KCNQ5: variants seen among roughly 807,000 people sequenced by gnomAD.
The protein encoded by KCNQ5 is potassium voltage-gated channel subfamily Q member 5.
Under a neutral mutation model 98.2 loss-of-function variants are expected in KCNQ5, and 30 were observed. That is an observed-to-expected ratio of 0.31 (90% CI 0.23 to 0.41). KCNQ5 has a LOEUF of 0.41. Ranked by LOEUF, KCNQ5 falls within the 10% of genes least tolerant of loss-of-function variation. The pLI is 1.00. For missense variants in KCNQ5, 835 were observed against 1,182.5 expected, an observed-to-expected ratio of 0.71 and a Z score of 4.31; for synonymous variants, 458 against 449.4, an observed-to-expected ratio of 1.02 and a Z score of -0.24.
chr6:72,897,010 A>G (rs920001540), intron 1 of KCNQ5, among the ~76,000 whole-genome samples: 6 of 151,840 alleles, frequency 4.0e-5, no homozygotes, highest in Admixed American at 2.0e-4. Context: ...CCATGTTCTC[A>G]TATTATAGTC....
chr6:72,699,473 C>T (rs901124236), intron 1 of KCNQ5, among the ~76,000 whole-genome samples: 1 of 152,110 alleles, frequency 6.6e-6, no homozygotes, highest in African/African-American at 2.4e-5. Context: ...CTCTCTTGAC[C>T]TCCAGAATGA....
At chr6:72,637,380 C>T (rs2098924810) in intron 1 of KCNQ5, among the ~76,000 whole-genome samples, 1 of 151,710 alleles carries the variant, frequency 6.6e-6, no homozygotes, top group Admixed American at 6.6e-5. Flanking sequence ...ACACAATATG[C>T]AGTGGACACT....
intron 1 of KCNQ5, among the ~76,000 whole-genome samples, chr6:72,836,788 G>T (rs984891910): frequency 4.6e-5 from 7 of 152,098 alleles, no homozygotes; most frequent in African/African-American, 1.7e-4. Flanking sequence ...GTAATTTATT[G>T]TTTCAATTTC....
chr6:72,796,219 T>A (rs1774328678), intron 1 of KCNQ5, among the ~76,000 whole-genome samples: 1 of 152,184 alleles, frequency 6.6e-6, no homozygotes, highest in Non-Finnish European at 1.5e-5. Flanking sequence ...TTAAATATAT[T>A]TTGAAGTAAT....
chr6:73,036,002 T>C (rs1422329270), intron 2 of KCNQ5, among the ~76,000 whole-genome samples: 2 of 149,812 alleles, frequency 1.3e-5, no homozygotes, highest in South Asian at 2.1e-4. Context: ...TGTGTGTGTG[T>C]GTGTGTGTGT....
At chr6:73,018,433 G>A (rs1312385258) in intron 2 of KCNQ5, among the ~76,000 whole-genome samples, 2 of 152,034 alleles carry the variant, frequency 1.3e-5, no homozygotes, top group East Asian at 3.9e-4. Context: ...GATAGAGGTC[G>A]AGCTGTGTCC....
chr6:72,901,501 A>G (rs1405426315), intron 1 of KCNQ5, among the ~76,000 whole-genome samples: 7 of 152,112 alleles, frequency 4.6e-5, no homozygotes. Flanking sequence ...TAAGTCCTTA[A>G]TCCATCTTGA....
intron 1 of KCNQ5, chr6:72,986,408 AAAG>A (rs1768779832): frequency 9.0e-6 from 4 of 446,890 alleles, no homozygotes; most frequent in Non-Finnish European, 1.6e-5. Context: ...CAGAGAAGAA[AAAG>A]AAGAAGAAAG....
At chr6:72,775,938 A>G (rs1330586475) in intron 1 of KCNQ5, among the ~76,000 whole-genome samples, 1 of 152,186 alleles carries the variant, frequency 6.6e-6, no homozygotes, top group East Asian at 1.9e-4. Context: ...AACAGAAAAA[A>G]TGATATGAGG....
In KCNQ5 at chr6:73,113,756, C is replaced by A. The variant is rs1189288773; in HGVS notation, c.1125+2353C>A. Among the ~76,000 whole-genome samples, 8 of 152,244 alleles carry A rather than the reference C, an allele frequency of 5.3e-5. No individual in the cohort carries two copies. The East Asian group carries it at 1.5e-3, about 29-fold the overall frequency. On this transcript the variant is annotated intron_variant, in intron 7 of 13. Transcript: ENST00000370398. ...TGTCTACAGTCAAAATGAGGCAAGG[C>A]CTCCCTCACAGGTAACCCTGTGGAG...
chr6:73,109,141 T>G (rs1775123221), intron 6 of KCNQ5, among the ~76,000 whole-genome samples: 1 of 152,230 alleles, frequency 6.6e-6, no homozygotes, highest in African/African-American at 2.4e-5. Flanking sequence ...GTTTAATAAC[T>G]GCTGTAATGT....
At chr6:73,092,098 G>T (rs4418154) in intron 5 of KCNQ5, among the ~76,000 whole-genome samples, 139,160 of 151,396 alleles carry the variant, frequency 0.92, 64,006 homozygotes, top group South Asian at 0.96. Context: ...TTGTTTGTTT[G>T]TTTTTTGTTT....
At chr6:73,030,175 T>G (rs1771076528) in intron 2 of KCNQ5, among the ~76,000 whole-genome samples, 1 of 152,216 alleles carries the variant, frequency 6.6e-6, no homozygotes, top group African/African-American at 2.4e-5. Context: ...GAAAGTGTGA[T>G]TAATGGAATA....
At chr6:72,799,358 C>A (rs993927441) in intron 1 of KCNQ5, among the ~76,000 whole-genome samples, 1 of 152,188 alleles carries the variant, frequency 6.6e-6, no homozygotes, top group African/African-American at 2.4e-5. Context: ...TTAACCACAT[C>A]TACAAAATGC....
At position 73,194,907 on chromosome 6, in the gene KCNQ5, A is replaced by G. The variant is rs1176665030; in HGVS notation, c.2292A>G (p.Glu764=). ...CCATCAAGCATCTGCCCAGGCCAGAAACTCTGCACCCTAACCCTGCAGGCT... is the reference window on the plus strand; with the variant it reads ...CCATCAAGCATCTGCCCAGGCCAGAGACTCTGCACCCTAACCCTGCAGGCT... ...LPAIKHLPRP[E]TLHPNPAGLQ... Residue 764 remains glutamate (E), a synonymous_variant, in exon 14 of 14, where the codon GAA becomes GAG. Transcript: ENST00000370398. The G allele has an allele frequency of 6.2e-7, 1 of 1,614,052 alleles. No homozygotes were observed. The highest frequency in any genetic ancestry group is 8.5e-7 in the Non-Finnish European group (1 of 1,180,044).
At chr6:72,980,373 TC>T (rs1768379139) in intron 1 of KCNQ5, among the ~76,000 whole-genome samples, 1 of 152,206 alleles carries the variant, frequency 6.6e-6, no homozygotes, top group Non-Finnish European at 1.5e-5. Context: ...TTTGTACTTC[TC>T]CTTGAAAAGG....
chr6:72,916,776 C>T (rs974583195), intron 1 of KCNQ5, among the ~76,000 whole-genome samples: 1 of 152,036 alleles, frequency 6.6e-6, no homozygotes. Context: ...TATATACCCC[C>T]CCAAAAAAAG....
chr6:72,967,351 T>C (rs935044512), intron 1 of KCNQ5, among the ~76,000 whole-genome samples: 34 of 152,362 alleles, frequency 2.2e-4, no homozygotes, highest in African/African-American at 8.2e-4. Context: ...AATGGTATTA[T>C]GTAATTTTAA....
intron 1 of KCNQ5, among the ~76,000 whole-genome samples, chr6:72,822,061 A>G (rs1292956524): frequency 6.6e-6 from 1 of 152,114 alleles, no homozygotes; most frequent in Admixed American, 6.6e-5. Context: ...TAGGGCTCAT[A>G]GCATGCTCCA....
Sources: gnomAD v4.1 joint callset for allele counts (sites outside exome capture counted in the v4.1 genomes callset) on GRCh38, gnomAD v4.1.1 for gene constraint, MANE v1.5 for transcripts, NCBI Gene and HGNC (gene_info 2026-07-23, HGNC 2026-07-21) for gene names.